Variants in TMEM50B observed in about 807,000 individuals in gnomAD.
TMEM50B encodes the protein HCV p7-trans-regulated protein 3.
In TMEM50B, 14 loss-of-function variants were observed where a neutral mutation model predicts 23.4. That is an observed-to-expected ratio of 0.60 (90% confidence interval 0.39 to 0.93). TMEM50B has a LOEUF of 0.93. Ranked by LOEUF, TMEM50B falls within the 40% of genes least tolerant of loss-of-function variation. The pLI is 0.00. For missense variants in TMEM50B, 159 were observed against 193.0 expected, an observed-to-expected ratio of 0.82 and a Z score of 1.04; for synonymous variants, 64 against 62.3, an observed-to-expected ratio of 1.03 and a Z score of -0.13.
intron 2 of TMEM50B, among the ~76,000 whole-genome samples, chr21:33,467,727 G>C (rs1190375128): frequency 3.3e-5 from 5 of 152,248 alleles, no homozygotes; most frequent in Admixed American, 3.3e-4. Context: ...TTGAACCTGG[G>C]AAGTCAGAGG....
At position 33,450,655 on chromosome 21, in the gene TMEM50B, TAAAGA is replaced by T. The variant is rs1568975680; in HGVS notation, c.*158_*162del. ...TATTAACAGTCTATGCAATGAAAAA[TAAAGA>T]AATTTCATAAAACTATTTCAAAACT... On this transcript the variant is annotated 3_prime_UTR_variant, in exon 7 of 7. Transcript: ENST00000542230. 6 of 574,084 alleles carry T rather than the reference TAAAGA, an allele frequency of 1.0e-5. No individual in the cohort carries two copies. The highest frequency in any genetic ancestry group is 2.8e-4 in the Middle Eastern group (1 of 3,568). 35.6% of individuals were successfully genotyped at this position (574,084 alleles called of 1,614,324 possible). A position where few individuals can be genotyped will look rare whatever the true frequency, so the allele number is the denominator to read the frequency against.
At chr21:33,439,491 T>C (rs1184446648) in intron 7 of TMEM50B, among the ~76,000 whole-genome samples, 1 of 151,966 alleles carries the variant, frequency 6.6e-6, no homozygotes, top group East Asian at 1.9e-4. Flanking sequence ...GCGATTTTTG[T>C]GCCTCAGCCT....
chr21:33,464,104 A>G (rs4817573), intron 4 of TMEM50B, among the ~76,000 whole-genome samples: 136,276 of 152,162 alleles, frequency 0.9, 61,542 homozygotes, highest in African/African-American at 0.97. Context: ...CAGACTGTCC[A>G]TGTTCAATCC....
At chr21:33,462,710 G>A (rs567020687) in intron 4 of TMEM50B, among the ~76,000 whole-genome samples, 3 of 152,118 alleles carry the variant, frequency 2.0e-5, no homozygotes, top group Non-Finnish European at 2.9e-5. Flanking sequence ...AGCAATGTCC[G>A]TGGAATATTC....
intron 1 of TMEM50B, among the ~76,000 whole-genome samples, chr21:33,475,509 G>C (rs1385314948): frequency 6.6e-6 from 1 of 151,896 alleles, no homozygotes; most frequent in African/African-American, 2.4e-5. Context: ...ACCAGGCCCG[G>C]CTACTTTTTT....
intron 4 of TMEM50B, among the ~76,000 whole-genome samples, chr21:33,463,831 T>C (rs965305432): frequency 2.0e-5 from 3 of 152,120 alleles, no homozygotes; most frequent in Non-Finnish European, 4.4e-5. Context: ...GGCAGGAGGA[T>C]CACTCGAGCC....
rs773084762 is a variant in TMEM50B at position 33,455,768 on chromosome 21, C to G, written c.390G>C (p.Pro130=). Residue 130 remains proline, a synonymous_variant, in exon 6 of 7, where the codon CCG becomes CCC. Coordinates refer to ENST00000542230, the MANE Select transcript of TMEM50B (RefSeq NM_006134.7). ...CATTTTGAAAAAACACAGCTAGTCC[C>G]GGATAAACATCAGTATCTACATACA... The part of the protein sequence containing the change: ...AYVTQNTDVY[P]GLAVFFQNAL... The G allele has an allele frequency of 1.9e-6, 3 of 1,613,752 alleles. No homozygotes were observed. Among genetic ancestry groups the G allele is most frequent in the Non-Finnish European group, 2.5e-6 (3 of 1,179,826 alleles).
chr21:33,451,458 G>C (rs548713683), intron 6 of TMEM50B, among the ~76,000 whole-genome samples: 1 of 152,164 alleles, frequency 6.6e-6, no homozygotes. Context: ...TGCTATAAAT[G>C]AGAGGTGCAC....
At position 33,439,603 on chromosome 21, in the gene TMEM50B, C is replaced by G. The variant is rs1221663429; in HGVS notation, c.*2037-306G>C. Among the ~76,000 whole-genome samples, 4 of 151,280 alleles carry G rather than the reference C, an allele frequency of 2.6e-5. No homozygotes were observed. In the South Asian group the frequency reaches 8.5e-4, roughly 32 times the overall value. ...CTATGTTGGTCAGGCTGGTCTCAAA[C>G]TCCTGACCTCAGGTGATCCGCTCAC... On this transcript the variant is annotated intron_variant and NMD_transcript_variant, in intron 7 of 8. Transcript: ENST00000420455.
chr21:33,468,066 T>TTAAAA (rs2084280341), intron 2 of TMEM50B, among the ~76,000 whole-genome samples: 1 of 131,436 alleles, frequency 7.6e-6, no homozygotes, highest in Non-Finnish European at 1.6e-5. Context: ...CTCGTCTCTT[T>TTAAAA]AAAAAAAAAA....
intron 4 of TMEM50B, among the ~76,000 whole-genome samples, chr21:33,461,579 T>G (rs4817572): frequency 0.76 from 114,726 of 151,900 alleles, 43,645 homozygotes; most frequent in Middle Eastern, 0.8. Context: ...CAAGGTGGGC[T>G]AATTGCCTGA....
intron 4 of TMEM50B, among the ~76,000 whole-genome samples, chr21:33,464,773 C>T (rs1332304498): frequency 7.7e-6 from 1 of 130,468 alleles, no homozygotes; most frequent in Non-Finnish European, 1.7e-5. Context: ...CACTGCACTC[C>T]AGCCTGGGAA....
At position 33,450,770 on chromosome 21, in the gene TMEM50B, T is replaced by C; in HGVS notation, c.*48A>G. On this transcript the variant is annotated 3_prime_UTR_variant, in exon 7 of 7. Coordinates refer to ENST00000542230, the MANE Select transcript of TMEM50B (RefSeq NM_006134.7). ...TGTGTACTGAGAGATAAAAAACCTA[T>C]CTACAAACAGAATATAACAAAAGGA... 6.5e-7 allele frequency: 1 copy of C among 1,530,300 alleles called. No individual in the cohort carries two copies. The highest frequency in any genetic ancestry group is 9.0e-7 in the Non-Finnish European group (1 of 1,114,316). 94.8% of individuals were successfully genotyped at this position (1,530,300 alleles called of 1,614,324 possible).
At chr21:33,440,218 G>A (rs564219427) in intron 7 of TMEM50B, among the ~76,000 whole-genome samples, 1 of 152,256 alleles carries the variant, frequency 6.6e-6, no homozygotes, top group Non-Finnish European at 1.5e-5. Context: ...AATAGTTAAA[G>A]TCAAAAGAAG....
At chr21:33,433,743 A>T (rs759255731) in intron 8 of TMEM50B, among the ~76,000 whole-genome samples, 83 of 151,862 alleles carry the variant, frequency 5.5e-4, no homozygotes, top group Non-Finnish European at 9.9e-4. Flanking sequence ...ACCTAAAAAG[A>T]GTTATGATGG....
At chr21:33,465,121 T>A in intron 4 of TMEM50B, 1 of 423,428 alleles carries the variant, frequency 2.4e-6, no homozygotes, top group Non-Finnish European at 4.2e-6. Context: ...CAACATTTTT[T>A]ATCTATATCA....
intron 1 of TMEM50B, among the ~76,000 whole-genome samples, chr21:33,476,141 C>A (rs1222952371): frequency 6.6e-6 from 1 of 152,168 alleles, no homozygotes; most frequent in African/African-American, 2.4e-5. Context: ...TGCCTGTAAA[C>A]CCAAGACTTT....
At chr21:33,453,045 GATTA>G (rs1223445891) in intron 6 of TMEM50B, among the ~76,000 whole-genome samples, 1 of 152,134 alleles carries the variant, frequency 6.6e-6, no homozygotes, top group Non-Finnish European at 1.5e-5. Flanking sequence ...CAGAAGTAGA[GATTA>G]ATTTATTTAA....
rs529131519 is a variant in TMEM50B, at chr21:33,433,801, T to TA, written c.*2121-1000dup. ...TTACCACAATTTAATTTTTTTTTTT[T>TA]AATGGCATGGGGTTGGCTAAAAAGG... On this transcript the variant is annotated intron_variant and NMD_transcript_variant, in intron 8 of 8. Transcript: ENST00000420455. Among the ~76,000 whole-genome samples the TA allele has an allele frequency of 6.0e-3, 908 of 151,850 alleles. 5 individuals carry two copies. Among genetic ancestry groups the TA allele is most frequent in the African/African-American group, 0.021 (865 of 41,370 alleles).
Sources: allele counts gnomAD v4.1 joint callset (sites outside exome capture counted in the v4.1 genomes callset), GRCh38; gene constraint gnomAD v4.1.1; transcripts MANE v1.5; gene names NCBI Gene and HGNC (gene_info 2026-07-23, HGNC 2026-07-21).